SRRT: variants seen among roughly 807,000 people sequenced by gnomAD.
SRRT encodes serrate RNA effector molecule homolog.
SRRT carries 32 observed loss-of-function variants against 103.2 expected under a neutral mutation model. That is an observed-to-expected ratio of 0.31 (90% CI 0.23 to 0.42). The LOEUF is 0.42. Among genes scored for constraint, SRRT ranks in the 10% least tolerant of loss-of-function variants. SRRT has a pLI of 1.00. For missense variants in SRRT, 986 were observed against 1,207.5 expected (o/e 0.82, Z 2.72); for synonymous variants, 525 against 449.0 (o/e 1.17, Z -2.14).
Position 100,887,183 on chromosome 7 carries a change from G to A in SRRT, c.1958G>A (p.Arg653His). 11 of 1,614,128 alleles carry A rather than the reference G, an allele frequency of 6.8e-6. No individual in the cohort carries two copies. The highest frequency in any genetic ancestry group is 9.3e-6 in the Non-Finnish European group (11 of 1,180,020). The change falls in exon 15 of 20, where the codon CGC becomes CAC. Residue 653 changes from arginine (R) to histidine (H), a missense_variant. By Grantham distance (29) the Arg-to-His change is conservative (BLOSUM62 0). Transcript: ENST00000611405. This position sits in a 1 kb window ranked among gnomAD's most constrained non-coding sequence, Gnocchi z 4.1. ...IHVRGPMPPNRISHGEVLEWQ... is the reference protein window; with the variant it reads ...IHVRGPMPPNHISHGEVLEWQ... ...GTTCGGGGGCCCATGCCACCCAACC[G>A]CATCAGTCACGGGGAAGGTGAGCTC...
rs1679865274 is a variant in SRRT at position 100,884,408 on chromosome 7, C to A, written c.798C>A (p.Arg266=). The change falls in exon 7 of 20, where the codon CGC becomes CGA. Residue 266 remains arginine (R), a synonymous_variant. Transcript: ENST00000611405. ...AAGGAGGCACGGAGAATGATCTTCGCATCCTGGAGCAGGAGGAGGAGGAGG... is the reference window on the plus strand; with the variant it reads ...AAGGAGGCACGGAGAATGATCTTCGAATCCTGGAGCAGGAGGAGGAGGAGG... ...KMEGGTENDL[R]ILEQEEEEEQ... 6.2e-7 allele frequency: 1 copy of A among 1,613,724 alleles called. No homozygotes were observed. The highest frequency in any genetic ancestry group is 1.3e-5 in the African/African-American group (1 of 74,970).
Position 100,881,376 on chromosome 7 carries a change from G to A in SRRT, c.214G>A (p.Glu72Lys). Residue 72 changes from glutamate to lysine, a missense_variant, in exon 3 of 20, where the codon GAA becomes AAA. By Grantham distance (56) the Glu-to-Lys change is moderately conservative. Around this residue, in one of 6 missense-constraint regions of SRRT, gnomAD observed 274 missense variants for 358.5 expected, o/e 0.76. Transcript: ENST00000611405. ...RRERFSPPRHELSPPQKRMRR... is the reference protein window; with the variant it reads ...RRERFSPPRHKLSPPQKRMRR... Reference sequence around the variant, plus strand: ...AGAGCGCTTCTCGCCACCTCGCCACGAACTCAGCCCGCCACAGAAGCGCAT... The same window carrying A: ...AGAGCGCTTCTCGCCACCTCGCCACAAACTCAGCCCGCCACAGAAGCGCAT... The A allele has an allele frequency of 1.2e-6, 2 of 1,608,878 alleles. No homozygotes were observed. The highest frequency in any genetic ancestry group is 2.2e-5 in the East Asian group (1 of 44,668).
chr7:100,888,215 T>C, intron 18 of SRRT, 42 bp from the exon 19 acceptor site: 3 of 1,601,362 alleles, frequency 1.9e-6, no homozygotes, highest in Non-Finnish European at 1.7e-6. Flanking sequence ...AGGATGGAAT[T>C]GAGGACATAG....
chr7:100,878,811 C>CT (rs1228021574), intron 2 of SRRT, among the ~76,000 whole-genome samples: 14 of 152,120 alleles, frequency 9.2e-5, no homozygotes, highest in Non-Finnish European at 1.9e-4. Context: ...AGGTGATCCT[C>CT]TCACCTCAGC....
At chr7:100,884,336 G>A in intron 6 of SRRT, 32 bp from the exon 7 acceptor site, 1 of 1,613,404 alleles carries the variant, frequency 6.2e-7, no homozygotes, top group Non-Finnish European at 8.5e-7. Context: ...CCAGGGCCCT[G>A]GGGTCATGAC....
rs368922844 is a variant in SRRT, at chr7:100,882,139, C to T, written c.485C>T (p.Ser162Leu). 4.3e-6 allele frequency: 7 copies of T among 1,614,028 alleles called. No homozygotes were observed. Among genetic ancestry groups the T allele is most frequent in the South Asian group, 2.2e-5 (2 of 91,082 alleles). The change falls in exon 5 of 20, where the codon TCG (serine) becomes TTG (leucine). Residue 162 changes from serine (S) to leucine (L), a missense_variant. By Grantham distance (145) the Ser-to-Leu change is moderately radical (BLOSUM62 -2). This residue lies in a region of SRRT where 274 missense variants were observed against 358.5 expected (regional missense o/e 0.76). Coordinates refer to ENST00000611405, the MANE Select transcript of SRRT (RefSeq NM_015908.6). The surrounding 1 kb of genome is among the most constrained non-coding windows in gnomAD (Gnocchi z 4.2). ...GAGTTTCTCCTCTCCCTGGATGACTCGGTGGATGAGACGGAGGCCGTCAAG... is the reference window on the plus strand; with the variant it reads ...GAGTTTCTCCTCTCCCTGGATGACTTGGTGGATGAGACGGAGGCCGTCAAG... ...FKEFLLSLDDSVDETEAVKRY... is the reference protein window; with the variant it reads ...FKEFLLSLDDLVDETEAVKRY...
In SRRT at chr7:100,885,638, G is replaced by T; in HGVS notation, c.1318-63G>T. 2.0e-6 allele frequency: 3 copies of T among 1,516,320 alleles called. No homozygotes were observed. The highest frequency in any genetic ancestry group is 2.7e-6 in the Non-Finnish European group (3 of 1,111,474). 93.9% of individuals were successfully genotyped at this position (1,516,320 alleles called of 1,614,324 possible). The stretch of plus-strand genomic sequence containing the variant: ...CCCTAGGGTTCTGAGGGCAGTGGGG[G>T]ATTGGAGGAAGAAGCGAATGAATCC... On this transcript the variant is annotated intron_variant, in intron 10 of 19. Coordinates refer to ENST00000611405, the MANE Select transcript of SRRT (RefSeq NM_015908.6). This position sits in a 1 kb window ranked among gnomAD's most constrained non-coding sequence, Gnocchi z 4.8.
In SRRT at chr7:100,884,747, A is replaced by G. The variant is rs908329217; in HGVS notation, c.950A>G (p.Asn317Ser). The G allele has an allele frequency of 1.9e-6, 3 of 1,613,964 alleles. No individual in the cohort carries two copies. The highest frequency in any genetic ancestry group is 2.5e-6 in the Non-Finnish European group (3 of 1,179,912). The change falls in exon 8 of 20, where the codon AAT becomes AGT. Residue 317 changes from asparagine to serine, a missense_variant. Physicochemically the swap from Asn to Ser is conservative, Grantham distance 46. Transcript: ENST00000611405. ...EKKEDGKQAENDSSNDDKTKK... is the reference protein window; with the variant it reads ...EKKEDGKQAESDSSNDDKTKK... The stretch of plus-strand genomic sequence containing the variant: ...GGTTGTCTCTTACCATAGGCTGAGA[A>G]TGACAGTTCTAATGATGACAAAACA...
Position 100,885,340 on chromosome 7 carries a change from G to C in SRRT, c.1287G>C (p.Ala429=). ...KTCSLFMRNI[A]PNISRAEIIS... ...GCTCCCTCTTCATGCGCAACATCGC[G>C]CCCAACATCTCCCGGGCCGAGATCA... Residue 429 remains alanine, a synonymous_variant, in exon 10 of 20, where the codon GCG becomes GCC. Coordinates refer to ENST00000611405, the MANE Select transcript of SRRT (RefSeq NM_015908.6). The surrounding 1 kb of genome is among the most constrained non-coding windows in gnomAD (Gnocchi z 4.8). 3 of 1,613,932 alleles carry C rather than the reference G, an allele frequency of 1.9e-6. No homozygotes were observed. The highest frequency in any genetic ancestry group is 2.5e-6 in the Non-Finnish European group (3 of 1,179,886).
Position 100,885,089 on chromosome 7 carries a change from G to C in SRRT, c.1159+49G>C, listed in dbSNP as rs368946191. ...AGTGCGTTCTCCTAATGCGGGTGGG[G>C]AGGTGAGAGGTTGGCGACATTGACG... On this transcript the variant is annotated intron_variant, in intron 9 of 19. Coordinates refer to ENST00000611405, the MANE Select transcript of SRRT (RefSeq NM_015908.6). The surrounding 1 kb of genome is among the most constrained non-coding windows in gnomAD (Gnocchi z 4.8). 6 of 1,610,004 alleles carry C rather than the reference G, an allele frequency of 3.7e-6. No homozygotes were observed. Among genetic ancestry groups the C allele is most frequent in the Non-Finnish European group, 5.1e-6 (6 of 1,177,592 alleles).
intron 2 of SRRT, among the ~76,000 whole-genome samples, chr7:100,880,304 T>G (rs1816165734): frequency 6.6e-6 from 1 of 152,068 alleles, no homozygotes; most frequent in Non-Finnish European, 1.5e-5. Context: ...TGATTCTTTT[T>G]TCTTTTTTTG....
rs771315881 is a variant in SRRT at position 100,887,178 on chromosome 7, C to G, written c.1953C>G (p.Pro651=). 4.8e-5 allele frequency: 78 copies of G among 1,614,198 alleles called. No homozygotes were observed. The highest frequency in any genetic ancestry group is 6.4e-5 in the Non-Finnish European group (76 of 1,180,024). Residue 651 remains proline (P), a synonymous_variant, in exon 15 of 20, where the codon CCC becomes CCG. Transcript: ENST00000611405. This position sits in a 1 kb window ranked among gnomAD's most constrained non-coding sequence, Gnocchi z 4.1. ...GIIHVRGPMP[P]NRISHGEVLE... ...TCCACGTTCGGGGGCCCATGCCACC[C>G]AACCGCATCAGTCACGGGGAAGGTG...
Position 100,875,617 on chromosome 7 carries a change from T to C in SRRT, c.27T>C (p.Asp9=). 1.2e-6 allele frequency: 2 copies of C among 1,614,046 alleles called. No individual in the cohort carries two copies. Among genetic ancestry groups the C allele is most frequent in the Non-Finnish European group, 1.7e-6 (2 of 1,179,946 alleles). The change falls in exon 2 of 20, where the codon GAT becomes GAC. Residue 9 remains aspartate (D), a synonymous_variant. Transcript: ENST00000611405. The stretch of plus-strand genomic sequence containing the variant: ...TGGGTGACAGTGATGACGAGTACGA[T>C]CGAAGGCGCAGGGACAAGTTCAGAA... MGDSDDEY[D]RRRRDKFRRE...
At position 100,887,559 on chromosome 7, in the gene SRRT, G is replaced by A; in HGVS notation, c.2169+46G>A. 2 of 1,599,046 alleles carry A rather than the reference G, an allele frequency of 1.3e-6. No homozygotes were observed. The highest frequency in any genetic ancestry group is 1.8e-4 in the Middle Eastern group (1 of 5,548). ...GCCGTGCTACGGTGGTGGGAGGTGG[G>A]GTTGAGACAGGAAGCCCCCTGGGCA... On this transcript the variant is annotated intron_variant, in intron 16 of 19. Transcript: ENST00000611405. This position sits in a 1 kb window ranked among gnomAD's most constrained non-coding sequence, Gnocchi z 4.1.
chr7:100,884,216 C>G lies in SRRT; in HGVS notation c.734C>G (p.Ala245Gly), dbSNP rs759212081. 48 of 1,613,984 alleles carry G rather than the reference C, an allele frequency of 3.0e-5. No individual in the cohort carries two copies. The highest frequency in any genetic ancestry group is 3.8e-5 in the Non-Finnish European group (45 of 1,180,036). Reference protein sequence around the residue: ...NLLLDIDKADAIVKMLDAAVI... With the variant: ...NLLLDIDKADGIVKMLDAAVI... ...CTCCTGGACATAGACAAAGCTGATG[C>G]CATTGTCAAGATGCTGGATGCAGGT... The change falls in exon 6 of 20, where the codon GCC becomes GGC. Residue 245 changes from alanine (A) to glycine (G), a missense_variant. This residue lies in a region of SRRT where 274 missense variants were observed against 358.5 expected (regional missense o/e 0.76). Transcript: ENST00000611405.
Position 100,885,457 on chromosome 7 carries a change from G to A in SRRT, c.1317+87G>A. Reference sequence around the variant, plus strand: ...CAGTGGGGCCCTGCCTGTGACAGATGCCCCCGTTTCACCTGCTAGGGAGGC... The same window carrying A: ...CAGTGGGGCCCTGCCTGTGACAGATACCCCCGTTTCACCTGCTAGGGAGGC... On this transcript the variant is annotated intron_variant, in intron 10 of 19. Transcript: ENST00000611405. The surrounding 1 kb of genome is among the most constrained non-coding windows in gnomAD (Gnocchi z 4.8). 1 of 1,385,742 alleles carries A rather than the reference G, an allele frequency of 7.2e-7. No individual in the cohort carries two copies. Among genetic ancestry groups the A allele is most frequent in the Non-Finnish European group, 9.8e-7 (1 of 1,017,642 alleles). 85.8% of individuals were successfully genotyped at this position (1,385,742 alleles called of 1,614,324 possible).
chr7:100,887,270 T>A lies in SRRT; in HGVS notation c.1976-50T>A, dbSNP rs1790223107. ...GTCCTCCAGCCCCTTGCCACCATCC[T>A]TCCTTCTGGCTCCCTTGCCAACCTT... On this transcript the variant is annotated intron_variant, in intron 15 of 19. Transcript: ENST00000611405. This position sits in a 1 kb window ranked among gnomAD's most constrained non-coding sequence, Gnocchi z 4.1. The A allele has an allele frequency of 2.5e-6, 4 of 1,610,356 alleles. No homozygotes were observed. The highest frequency in any genetic ancestry group is 2.2e-5 in the South Asian group (2 of 90,878).
rs1170516874 is a variant in SRRT, at chr7:100,882,360, T to G, written c.587+119T>G. The G allele has an allele frequency of 5.5e-5, 64 of 1,171,578 alleles. No individual in the cohort carries two copies. The highest frequency in any genetic ancestry group is 6.9e-5 in the Non-Finnish European group (58 of 839,812). 72.6% of individuals were successfully genotyped at this position (1,171,578 alleles called of 1,614,324 possible). A position where few individuals can be genotyped will look rare whatever the true frequency, so the allele number is the denominator to read the frequency against. On this transcript the variant is annotated intron_variant, in intron 5 of 19. Coordinates refer to ENST00000611405, the MANE Select transcript of SRRT (RefSeq NM_015908.6). This position sits in a 1 kb window ranked among gnomAD's most constrained non-coding sequence, Gnocchi z 4.2. ...GTCCAGAACTTTCTGGGGGCGGGGG[T>G]CGGGAAGTATGACAGCATTGGCTGA...
chr7:100,881,572 T>C, intron 3 of SRRT, 87 bp from the exon 4 acceptor site: 1 of 1,589,078 alleles, frequency 6.3e-7, no homozygotes, highest in Non-Finnish European at 8.6e-7. Flanking sequence ...TGGGAGACCA[T>C]GCTGTGTGTA....
Sources: allele counts gnomAD v4.1 joint callset (sites outside exome capture counted in the v4.1 genomes callset), GRCh38; gene constraint gnomAD v4.1.1; regional missense constraint gnomAD v4.1.1; non-coding constraint Gnocchi (gnomAD v3.1); transcripts MANE v1.5; gene names NCBI Gene and HGNC (gene_info 2026-07-23, HGNC 2026-07-21).